MROH9: variants seen among roughly 807,000 people sequenced by gnomAD.
MROH9 encodes maestro heat-like repeat-containing protein family member 9.
Under a neutral mutation model 98.2 loss-of-function variants are expected in MROH9, and 92 were observed. The observed-to-expected ratio is 0.94, with a 90% CI of 0.79 to 1.11. The LOEUF is 1.11. Ranked by LOEUF, MROH9 falls within the 50% of genes most tolerant of loss-of-function variation. The pLI is 0.00. For synonymous variants in MROH9, 397 were observed against 368.9 expected (o/e 1.08, Z -0.87); for missense variants, 1,057 against 1,014.8 (o/e 1.04, Z -0.57).
At chr1:171,036,815 A>C (rs545359671) in intron 20 of MROH9, among the ~76,000 whole-genome samples, 4 of 151,714 alleles carry the variant, frequency 2.6e-5, no homozygotes, top group Non-Finnish European at 5.9e-5. Flanking sequence ...GAGTAAAATG[A>C]ATAAAAGCAA....
At chr1:171,033,680 GT>G (rs1211703160) in intron 20 of MROH9, among the ~76,000 whole-genome samples, 1 of 151,946 alleles carries the variant, frequency 6.6e-6, no homozygotes, top group Non-Finnish European at 1.5e-5. Flanking sequence ...GTTTTGTTTT[GT>G]TTTTTTCCTG....
At chr1:171,013,833 G>C (rs1165284670) in intron 15 of MROH9, among the ~76,000 whole-genome samples, 2 of 149,048 alleles carry the variant, frequency 1.3e-5, no homozygotes, top group African/African-American at 4.9e-5. Flanking sequence ...ATTTAAATTG[G>C]GTCACTCAGT....
At chr1:170,976,444 AT>A (rs367851414) in intron 8 of MROH9, among the ~76,000 whole-genome samples, 23 of 151,516 alleles carry the variant, frequency 1.5e-4, no homozygotes, top group African/African-American at 4.8e-4. Context: ...GTTGGAATTT[AT>A]TTTTTTTTAA....
chr1:170,986,529 C>T lies in MROH9; in HGVS notation c.730-32C>T, dbSNP rs16863907. ...CTGTCTTATGTTGGTGTGAGTAAGG[C>T]CTGAGGTCATGATTATCCTTTGTGG... On this transcript the variant is annotated intron_variant, in intron 9 of 21. Coordinates refer to ENST00000367759, the MANE Select transcript of MROH9 (RefSeq NM_001163629.2). 9.0e-3 allele frequency: 14,358 copies of T among 1,602,100 alleles called. 1,023 individuals are homozygous for T. In the African/African-American group the frequency reaches 0.16, roughly 18 times the overall value.
chr1:171,033,969 T>G (rs1653014095), intron 20 of MROH9, among the ~76,000 whole-genome samples: 1 of 152,150 alleles, frequency 6.6e-6, no homozygotes, highest in Non-Finnish European at 1.5e-5. Flanking sequence ...TTAAGGCATT[T>G]TGTAATAAAG....
chr1:170,959,400 C>A, intron 4 of MROH9, 62 bp from the exon 5 acceptor site: 1 of 1,285,314 alleles, frequency 7.8e-7, no homozygotes, highest in Non-Finnish European at 1.1e-6. Flanking sequence ...ATAAATAAAG[C>A]CCACTAAATT....
chr1:170,996,393 C>A, intron 13 of MROH9, 114 bp from the exon 14 acceptor site: 1 of 1,122,062 alleles, frequency 8.9e-7, no homozygotes, highest in Non-Finnish European at 1.3e-6. Flanking sequence ...TTGAGACATC[C>A]CCTTTCTCAA....
chr1:171,026,220 C>T (rs994080038), intron 20 of MROH9, among the ~76,000 whole-genome samples: 14 of 151,684 alleles, frequency 9.2e-5, no homozygotes, highest in Non-Finnish European at 1.8e-4. Flanking sequence ...CGCGCACACA[C>T]ACACACACCC....
chr1:170,939,232 A>G (rs1649019075), intron 1 of MROH9, among the ~76,000 whole-genome samples: 1 of 152,208 alleles, frequency 6.6e-6, no homozygotes, highest in African/African-American at 2.4e-5. Context: ...ATCTAGAAAA[A>G]TCACTGGGCA....
At chr1:171,014,353 C>A in intron 16 of MROH9, 99 bp downstream of exon 16, 1 of 1,161,344 alleles carries the variant, frequency 8.6e-7, no homozygotes, top group Non-Finnish European at 1.2e-6. Context: ...TGATATTTTT[C>A]AGTCTCTATA....
At chr1:170,999,026 A>T (rs1439133452) in intron 15 of MROH9, among the ~76,000 whole-genome samples, 1 of 152,208 alleles carries the variant, frequency 6.6e-6, no homozygotes, top group Non-Finnish European at 1.5e-5. Flanking sequence ...GTCATCAATG[A>T]TTTCAAATAT....
intron 7 of MROH9, among the ~76,000 whole-genome samples, chr1:170,967,263 A>G (rs766747188): frequency 2.2e-4 from 33 of 152,322 alleles, no homozygotes; most frequent in Admixed American, 1.4e-3. Flanking sequence ...GAAGTACTTC[A>G]GTATTTTCCA....
chr1:171,024,327 T>C, intron 17 of MROH9, 68 bp from the exon 18 acceptor site: 1 of 1,052,894 alleles, frequency 9.5e-7, no homozygotes, highest in Non-Finnish European at 1.4e-6. Flanking sequence ...TGTGTGTGTG[T>C]GTGTAGATTA....
chr1:170,939,936 C>G (rs61815195), intron 1 of MROH9, among the ~76,000 whole-genome samples: 14,760 of 152,194 alleles, frequency 0.097, 1,143 homozygotes, highest in African/African-American at 0.21. Context: ...TTATCTGCCA[C>G]TGATGCATCA....
chr1:171,041,574 CG>C (rs1653306691), intron 20 of MROH9, among the ~76,000 whole-genome samples: 1 of 151,314 alleles, frequency 6.6e-6, no homozygotes, highest in Admixed American at 6.6e-5. Context: ...TGTTTTTCTT[CG>C]ATTAGATACC....
At chr1:170,944,866 G>A (rs550128008) in intron 1 of MROH9, among the ~76,000 whole-genome samples, 52 of 152,060 alleles carry the variant, frequency 3.4e-4, no homozygotes, top group Admixed American at 2.0e-3. Flanking sequence ...GGAAGGGTAC[G>A]GGATGAAGAT....
rs746433019 is a variant in MROH9, at chr1:170,983,497, C to A, written c.692C>A (p.Pro231His). 2 of 1,612,898 alleles carry A rather than the reference C, an allele frequency of 1.2e-6. No individual in the cohort carries two copies. Among genetic ancestry groups the A allele is most frequent in the Non-Finnish European group, 1.7e-6 (2 of 1,179,264 alleles). ...QFPSSDVEFLPKEFQQDESKI... is the reference protein window; with the variant it reads ...QFPSSDVEFLHKEFQQDESKI... ...CCTTCTTCTGATGTAGAATTTCTAC[C>A]CAAGGAGTTTCAACAAGACGAAAGT... Residue 231 changes from proline (P) to histidine (H), a missense_variant, in exon 9 of 22, where the codon CCC becomes CAC. Pro to His is a moderately conservative substitution (Grantham distance 77, BLOSUM62 -2). Coordinates refer to ENST00000367759, the MANE Select transcript of MROH9 (RefSeq NM_001163629.2).
chr1:171,056,267 A>C (rs1314686553), intron 20 of MROH9, among the ~76,000 whole-genome samples: 1 of 152,150 alleles, frequency 6.6e-6, no homozygotes, highest in Non-Finnish European at 1.5e-5. Context: ...TGTGGCATCC[A>C]TCTCTATAGC....
chr1:170,939,989 G>A (rs1364562758), intron 1 of MROH9, among the ~76,000 whole-genome samples: 1 of 152,162 alleles, frequency 6.6e-6, no homozygotes, highest in African/African-American at 2.4e-5. Context: ...AAGTACCAGA[G>A]CAGACTGTAC....
Sources: gnomAD v4.1 joint callset for allele counts (sites outside exome capture counted in the v4.1 genomes callset) on GRCh38, gnomAD v4.1.1 for gene constraint, MANE v1.5 for transcripts, NCBI Gene and HGNC (gene_info 2026-07-23, HGNC 2026-07-21) for gene names.